ADCY3: variants seen among roughly 807,000 people sequenced by gnomAD.
ADCY3 encodes the protein adenylate cyclase 3.
ADCY3 carries 70 observed loss-of-function variants against 119.4 expected under a neutral mutation model. The ratio of observed to expected loss-of-function variants is 0.59; its 90% confidence interval spans 0.48 to 0.72. ADCY3 has a LOEUF of 0.72. Among genes scored for constraint, ADCY3 ranks in the 30% least tolerant of loss-of-function variants. ADCY3 has a pLI of 0.00. For missense variants in ADCY3, 1,238 were observed against 1,541.6 expected, an observed-to-expected ratio of 0.80 and a Z score of 3.30; for synonymous variants, 672 against 621.4, an observed-to-expected ratio of 1.08 and a Z score of -1.21.
chr2:24,868,890 G>A (rs1330650394), intron 3 of ADCY3, among the ~76,000 whole-genome samples: 5 of 151,642 alleles, frequency 3.3e-5, no homozygotes, highest in Non-Finnish European at 7.4e-5. Flanking sequence ...CGGGCATGGT[G>A]GCAGGCACCT....
rs1188616323 is a variant in ADCY3, at chr2:24,898,035, C to G, written c.675+20278G>C. 1.3e-5 allele frequency among the ~76,000 whole-genome samples: 2 copies of G among 152,140 alleles called. No homozygotes were observed. Among genetic ancestry groups the G allele is most frequent in the African/African-American group, 4.8e-5 (2 of 41,410 alleles). ...TGTCTCATATGGCTTTTACTCCTCC[C>G]CATTTCAGATCCCAAATAACCTTCC... is the stretch of plus-strand genomic sequence containing the variant. On this transcript the variant is annotated intron_variant, in intron 2 of 21. Transcript: ENST00000679454. The surrounding 1 kb of genome is among the most constrained non-coding windows in gnomAD (Gnocchi z 4.3).
At chr2:24,908,461 T>C (rs1377551965) in intron 2 of ADCY3, among the ~76,000 whole-genome samples, 2 of 152,198 alleles carry the variant, frequency 1.3e-5, no homozygotes, top group Admixed American at 6.5e-5. Flanking sequence ...AAAGAGCTAG[T>C]TGATTACGCA....
intron 2 of ADCY3, among the ~76,000 whole-genome samples, chr2:24,894,596 T>C (rs896818368): frequency 6.6e-5 from 10 of 152,138 alleles, no homozygotes; most frequent in Non-Finnish European, 1.2e-4. Context: ...TGTTCTAAAC[T>C]CCAAAGTACC....
intron 3 of ADCY3, among the ~76,000 whole-genome samples, chr2:24,849,211 G>A (rs924661086): frequency 1.3e-5 from 2 of 152,166 alleles, no homozygotes; most frequent in Non-Finnish European, 2.9e-5. Context: ...GCCTCTTCAG[G>A]CTCTCTTGGA....
At chr2:24,875,971 G>A (rs1475542538) in intron 2 of ADCY3, among the ~76,000 whole-genome samples, 4 of 141,038 alleles carry the variant, frequency 2.8e-5, no homozygotes, top group Non-Finnish European at 6.0e-5. Context: ...CCAGAAAGGA[G>A]TGTGGACTTC....
At position 24,834,425 on chromosome 2, in the gene ADCY3, C is replaced by T; in HGVS notation, c.1967+60G>A. The T allele has an allele frequency of 2.0e-6, 2 of 1,008,442 alleles. No individual in the cohort carries two copies. The highest frequency in any genetic ancestry group is 1.4e-5 in the South Asian group (1 of 70,754). 62.5% of individuals were successfully genotyped at this position (1,008,442 alleles called of 1,614,324 possible). A position where few individuals can be genotyped will look rare whatever the true frequency, so the allele number is the denominator to read the frequency against. Reference sequence around the variant, plus strand: ...CTCCCGCTGAGACACCTGCCCCCGCCCCCCGCCCGGCACCACCGCAGCCGA... The same window carrying T: ...CTCCCGCTGAGACACCTGCCCCCGCTCCCCGCCCGGCACCACCGCAGCCGA... On this transcript the variant is annotated intron_variant, in intron 11 of 21. Transcript: ENST00000679454. This position sits in a 1 kb window ranked among gnomAD's most constrained non-coding sequence, Gnocchi z 4.2.
In ADCY3 at chr2:24,830,790, C is replaced by A. The variant is rs776466930; in HGVS notation, c.2091G>T (p.Trp697Cys). Residue 697 changes from tryptophan (W) to cysteine (C), a missense_variant, in exon 13 of 22, where the codon TGG becomes TGT. Physicochemically the swap from Trp to Cys is radical, Grantham distance 215. This residue lies in a region of ADCY3 where 499 missense variants were observed against 571.0 expected (regional missense o/e 0.87). Coordinates refer to ENST00000679454, the MANE Select transcript of ADCY3 (RefSeq NM_004036.5). ...FPKKLVAFST[W>C]IDRTRWARNT... is the part of the protein sequence containing the mutation. ...TCCTGGCCCAGCGGGTCCGGTCAAT[C>A]CAAGTTGAGAAGGCCACAAGCTTCT... The A allele has an allele frequency of 2.5e-6, 4 of 1,614,050 alleles. No homozygotes were observed. The highest frequency in any genetic ancestry group is 3.4e-6 in the Non-Finnish European group (4 of 1,180,006).
At chr2:24,915,013 A>G (rs1261523838) in intron 2 of ADCY3, among the ~76,000 whole-genome samples, 7 of 152,178 alleles carry the variant, frequency 4.6e-5, no homozygotes, top group African/African-American at 1.7e-4. Context: ...CTGACCTCTC[A>G]GGCTGCCAAC....
intron 7 of ADCY3, 118 bp from the exon 8 acceptor site, chr2:24,838,740 T>C: frequency 6.3e-7 from 1 of 1,586,266 alleles, no homozygotes; most frequent in Non-Finnish European, 8.6e-7. Flanking sequence ...CTCTCGGGCA[T>C]GTGGGGCAGA....
intron 21 of ADCY3, 134 bp from the exon 22 acceptor site, chr2:24,820,248 C>T (rs1667376001): frequency 8.3e-7 from 1 of 1,204,334 alleles, no homozygotes; most frequent in Non-Finnish European, 1.1e-6. Context: ...CCCAAACCTC[C>T]CAGGGCCAAG....
intron 3 of ADCY3, among the ~76,000 whole-genome samples, chr2:24,847,972 C>T (rs536724556): frequency 9.2e-5 from 14 of 152,274 alleles, no homozygotes; most frequent in Admixed American, 2.6e-4. Flanking sequence ...GCTTGAGGCT[C>T]GCGGGGCAGG....
chr2:24,820,264 C>T (rs755522273), intron 21 of ADCY3, 150 bp from the exon 22 acceptor site: 14 of 1,208,658 alleles, frequency 1.2e-5, no homozygotes, highest in African/African-American at 1.6e-5. Context: ...CCAAGCCCTT[C>T]CACCCGTGGC....
At position 24,827,534 on chromosome 2, in the gene ADCY3, C is replaced by A; in HGVS notation, c.2495+12G>T. 1 of 1,577,978 alleles carries A rather than the reference C, an allele frequency of 6.3e-7. No homozygotes were observed. The highest frequency in any genetic ancestry group is 8.6e-7 in the Non-Finnish European group (1 of 1,158,850). On this transcript the variant is annotated intron_variant, in intron 15 of 21. Transcript: ENST00000679454. ...GTGAGTGCAGGCCAGGAGGGGAAGCCGTGGCCCTTACCTGTCAGTGCCATT... is the reference window on the plus strand; with the variant it reads ...GTGAGTGCAGGCCAGGAGGGGAAGCAGTGGCCCTTACCTGTCAGTGCCATT...
At chr2:24,838,837 T>C in intron 7 of ADCY3, 1 of 1,608,322 alleles carries the variant, frequency 6.2e-7, no homozygotes, top group Non-Finnish European at 8.5e-7. Context: ...GTGGGCCGTA[T>C]GGCACTTACT....
At position 24,918,769 on chromosome 2, in the gene ADCY3, C is replaced by G. The variant is rs1386545891; in HGVS notation, c.219G>C (p.Gln73His). Residue 73 changes from glutamine (Q) to histidine (H), a missense_variant, in exon 2 of 22, where the codon CAG (glutamine) becomes CAC (histidine). This residue lies in a region of ADCY3 where 227 missense variants were observed against 249.3 expected (regional missense o/e 0.91). Coordinates refer to ENST00000679454, the MANE Select transcript of ADCY3 (RefSeq NM_004036.5). This position sits in a 1 kb window ranked among gnomAD's most constrained non-coding sequence, Gnocchi z 5.4. ...ENLYQTYFKR[Q>H]RHETLLVLVV... ...CCAGCACCAGCAGGGTCTCGTGGCG[C>G]TGCCTTTTGAAGTAGGTCTGGTAGA... 3 of 1,613,952 alleles carry G rather than the reference C, an allele frequency of 1.9e-6. No homozygotes were observed. Among genetic ancestry groups the G allele is most frequent in the Non-Finnish European group, 2.5e-6 (3 of 1,180,038 alleles).
At chr2:24,822,264 T>C (rs1667862751) in intron 19 of ADCY3, 1 of 414,746 alleles carries the variant, frequency 2.4e-6, no homozygotes. Flanking sequence ...TTAGGGGGCC[T>C]GGCCACAGAA....
intron 3 of ADCY3, among the ~76,000 whole-genome samples, chr2:24,850,734 G>GT (rs1324319746): frequency 6.6e-6 from 1 of 152,220 alleles, no homozygotes; most frequent in Non-Finnish European, 1.5e-5. Flanking sequence ...GGAAAAAACT[G>GT]TAAGTCGCCC....
Position 24,838,638 on chromosome 2 carries a change from A to T in ADCY3, c.1356-16T>A. 6.2e-7 allele frequency: 1 copy of T among 1,613,052 alleles called. No individual in the cohort carries two copies. The highest frequency in any genetic ancestry group is 8.5e-7 in the Non-Finnish European group (1 of 1,179,808). On this transcript the variant is annotated splice_polypyrimidine_tract_variant and intron_variant, in intron 7 of 21. Coordinates refer to ENST00000679454, the MANE Select transcript of ADCY3 (RefSeq NM_004036.5). ...GTGCACGCGCCTGGATTGCAGAGAG[A>T]GAGGCCCTGAGCGTCGGCCAGAGGT... is the stretch of plus-strand genomic sequence containing the variant.
At chr2:24,862,142 G>C (rs1311918484) in intron 3 of ADCY3, among the ~76,000 whole-genome samples, 1 of 152,128 alleles carries the variant, frequency 6.6e-6, no homozygotes, top group African/African-American at 2.4e-5. Flanking sequence ...TCCACCACAA[G>C]GTGAGGCTGG....
Sources: gnomAD v4.1 joint callset for allele counts (sites outside exome capture counted in the v4.1 genomes callset) on GRCh38, gnomAD v4.1.1 for gene constraint, gnomAD v4.1.1 regional missense constraint, Gnocchi (gnomAD v3.1) non-coding constraint, MANE v1.5 for transcripts, NCBI Gene and HGNC (gene_info 2026-07-23, HGNC 2026-07-21) for gene names.